CMKLR2: variants seen among roughly 807,000 people sequenced by gnomAD.
The protein encoded by CMKLR2 is chemerin chemokine-like receptor 2.
CMKLR2 carries 18 observed loss-of-function variants against 23.0 expected under a neutral mutation model. That is an observed-to-expected ratio of 0.78 (90% CI 0.54 to 1.16). CMKLR2 has a LOEUF of 1.16. Ranked by LOEUF, CMKLR2 falls within the 50% of genes most tolerant of loss-of-function variation. CMKLR2 has a pLI of 0.00. For synonymous variants in CMKLR2, 158 were observed against 158.9 expected (o/e 0.99, Z 0.05); for missense variants, 401 against 412.7 (o/e 0.97, Z 0.25).
At position 206,209,647 on chromosome 2, in the gene CMKLR2, C is replaced by CT. The variant is rs71034424; in HGVS notation, c.-29+3659dup. Among the ~76,000 whole-genome samples, 1,192 of 134,752 alleles carry CT rather than the reference C, an allele frequency of 8.8e-3. 23 individuals are homozygous for CT. Among genetic ancestry groups the CT allele is most frequent in the African/African-American group, 0.031 (1,113 of 36,146 alleles). The allele number at this position is 134,752 out of a possible 152,430, so 88.4% of individuals were successfully genotyped here. ...TGCCGTGTTTGGTTTTCTTTTCTTT[C>CT]TTTTTTTTTTTTTTTTTTTGAGACG... On this transcript the variant is annotated intron_variant, in intron 1 of 1. Coordinates refer to ENST00000621141, the MANE Select transcript of CMKLR2 (RefSeq NM_001389445.1).
At chr2:206,191,590 C>T (rs1438518712) in intron 1 of CMKLR2, among the ~76,000 whole-genome samples, 1 of 151,950 alleles carries the variant, frequency 6.6e-6, no homozygotes, top group African/African-American at 2.4e-5. Context: ...CCCAAAATGC[C>T]ATGTTTATCA....
chr2:206,201,671 A>G (rs1689101897), intron 1 of CMKLR2, among the ~76,000 whole-genome samples: 1 of 152,126 alleles, frequency 6.6e-6, no homozygotes. Flanking sequence ...AAAAAAAAGT[A>G]ACTTTGCCCT....
chr2:206,176,570 G>C lies in CMKLR2; in HGVS notation c.678C>G (p.Tyr226Ter). The C allele has an allele frequency of 6.2e-7, 1 of 1,614,072 alleles. No homozygotes were observed. Among genetic ancestry groups the C allele is most frequent in the Non-Finnish European group, 8.5e-7 (1 of 1,180,006 alleles). ...TCTTCACCTTGAAGATGAGACACAA[G>C]TAGCAAATACTCATTGTTAGCAAAG... The part of the protein sequence containing the change: ...LFPLLTMSIC[Y>*]LCLIFKVKKR... The change falls in exon 2 of 2, where the codon TAC becomes TAG. Residue 226 changes from tyrosine to a stop codon, truncating the protein, a stop_gained. Transcript: ENST00000621141. LOFTEE classifies it high-confidence loss of function.
chr2:206,181,592 G>T (rs13391120), intron 1 of CMKLR2, among the ~76,000 whole-genome samples: 3 of 152,224 alleles, frequency 2.0e-5, no homozygotes, highest in East Asian at 1.9e-4. Flanking sequence ...CACATATTTT[G>T]TATGTTTTAT....
chr2:206,181,515 C>G (rs912334553), intron 1 of CMKLR2, among the ~76,000 whole-genome samples: 1 of 152,100 alleles, frequency 6.6e-6, no homozygotes, highest in Non-Finnish European at 1.5e-5. Context: ...TTGACTCCCC[C>G]AAAACTTAAC....
upstream of CMKLR2, among the ~76,000 whole-genome samples, chr2:206,216,243 C>A (rs1214515182): frequency 6.6e-6 from 1 of 152,104 alleles, no homozygotes; most frequent in Non-Finnish European, 1.5e-5. Flanking sequence ...CACCTGAGGT[C>A]TGGAGTTCAA....
chr2:206,208,643 CTT>C (rs111399492), intron 1 of CMKLR2, among the ~76,000 whole-genome samples: 1 of 145,688 alleles, frequency 6.9e-6, no homozygotes, highest in African/African-American at 2.5e-5. Flanking sequence ...ATATATGTAA[CTT>C]TTTTTTTTTT....
In CMKLR2 at chr2:206,177,147, A is replaced by G; in HGVS notation, c.101T>C (p.Leu34Pro). 3 of 1,614,064 alleles carry G rather than the reference A, an allele frequency of 1.9e-6. No homozygotes were observed. The highest frequency in any genetic ancestry group is 2.5e-6 in the Non-Finnish European group (3 of 1,179,876). ...CAGGGAGACCCAGTGAACAACTCCCAGCTGGACTTTCTCCTCCAAATCAGA... is the reference window on the plus strand; with the variant it reads ...CAGGGAGACCCAGTGAACAACTCCCGGCTGGACTTTCTCCTCCAAATCAGA... The part of the protein sequence containing the change: ...LESDLEEKVQ[L>P]GVVHWVSLVL... The change falls in exon 2 of 2, where the codon CTG becomes CCG. Residue 34 changes from leucine to proline, a missense_variant. Physicochemically the swap from Leu to Pro is moderately conservative, Grantham distance 98 (BLOSUM62 -3). Coordinates refer to ENST00000621141, the MANE Select transcript of CMKLR2 (RefSeq NM_001389445.1).
intron 1 of CMKLR2, among the ~76,000 whole-genome samples, chr2:206,196,487 G>A (rs1388453474): frequency 1.3e-5 from 2 of 152,154 alleles, no homozygotes; most frequent in African/African-American, 4.8e-5. Flanking sequence ...TGCACCTGTG[G>A]CTGAATGAAA....
At position 206,176,104 on chromosome 2, in the gene CMKLR2, A is replaced by G; in HGVS notation, c.*76T>C. ...AGTGGAGTCGGCTCTCTATCTTGGA[A>G]ACAATTTTAATCTGAAAGCATCAGT... On this transcript the variant is annotated 3_prime_UTR_variant, in exon 2 of 2. Transcript: ENST00000621141. 1 of 1,094,990 alleles carries G rather than the reference A, an allele frequency of 9.1e-7. No homozygotes were observed. Among genetic ancestry groups the G allele is most frequent in the Non-Finnish European group, 1.3e-6 (1 of 765,504 alleles). The allele number at this position is 1,094,990 out of a possible 1,614,324, so 67.8% of individuals were successfully genotyped here.
intron 1 of CMKLR2, among the ~76,000 whole-genome samples, chr2:206,186,078 A>AT (rs556908721): frequency 4.6e-4 from 67 of 144,152 alleles, no homozygotes; most frequent in Non-Finnish European, 8.8e-4. Context: ...CTTTTGGGCT[A>AT]TTTTTTTCTC....
intron 1 of CMKLR2, among the ~76,000 whole-genome samples, chr2:206,211,381 G>C (rs1689554763): frequency 6.6e-6 from 1 of 152,168 alleles, no homozygotes; most frequent in African/African-American, 2.4e-5. Context: ...CTAGAGTGCA[G>C]TGGCACGATC....
intron 1 of CMKLR2, among the ~76,000 whole-genome samples, chr2:206,211,261 C>A (rs1180261811): frequency 1.3e-5 from 2 of 152,192 alleles, no homozygotes; most frequent in East Asian, 3.8e-4. Flanking sequence ...TTGGTCTCCA[C>A]TGTATCCAGT....
At chr2:206,201,296 C>G (rs1301575884) in intron 1 of CMKLR2, among the ~76,000 whole-genome samples, 4 of 152,186 alleles carry the variant, frequency 2.6e-5, no homozygotes, top group Non-Finnish European at 5.9e-5. Flanking sequence ...CCATGCAAAG[C>G]AAATAATCTT....
At chr2:206,209,966 CTTT>C (rs1174073666) in intron 1 of CMKLR2, among the ~76,000 whole-genome samples, 2 of 133,314 alleles carry the variant, frequency 1.5e-5, no homozygotes, top group Non-Finnish European at 3.2e-5. Flanking sequence ...TCTTTTCTTT[CTTT>C]TTTTTTTTTT....
intron 1 of CMKLR2, among the ~76,000 whole-genome samples, chr2:206,193,572 C>A (rs1397773241): frequency 6.6e-6 from 1 of 152,098 alleles, no homozygotes; most frequent in Non-Finnish European, 1.5e-5. Flanking sequence ...ATATGTTCAT[C>A]CATATAAAGA....
At chr2:206,188,620 C>T (rs961686101) in intron 1 of CMKLR2, among the ~76,000 whole-genome samples, 1 of 152,240 alleles carries the variant, frequency 6.6e-6, no homozygotes, top group South Asian at 2.1e-4. Context: ...GTTCAGAGAA[C>T]CTCTATGAAG....
At chr2:206,185,469 AG>A (rs1488257944) in intron 1 of CMKLR2, among the ~76,000 whole-genome samples, 1 of 152,248 alleles carries the variant, frequency 6.6e-6, no homozygotes, top group African/African-American at 2.4e-5. Context: ...TGTCTAGGGC[AG>A]GATGAGAAAA....
At position 206,192,270 on chromosome 2, in the gene CMKLR2, G is replaced by A. The variant is rs577036149; in HGVS notation, c.-28-14995C>T. Among the ~76,000 whole-genome samples the A allele has an allele frequency of 9.8e-4, 147 of 150,012 alleles. 1 individual carries two copies. In the South Asian group the frequency reaches 0.014, roughly 15 times the overall value. ...ACTAGGATTGCAAAAATGAGCTACCGGGACTGGCGTTCTCTTTAAAAAAAA... is the reference window on the plus strand; with the variant it reads ...ACTAGGATTGCAAAAATGAGCTACCAGGACTGGCGTTCTCTTTAAAAAAAA... On this transcript the variant is annotated intron_variant, in intron 1 of 1. Coordinates refer to ENST00000621141, the MANE Select transcript of CMKLR2 (RefSeq NM_001389445.1).
Sources: gnomAD v4.1 joint callset for allele counts (sites outside exome capture counted in the v4.1 genomes callset) on GRCh38, gnomAD v4.1.1 for gene constraint, MANE v1.5 for transcripts, NCBI Gene and HGNC (gene_info 2026-07-23, HGNC 2026-07-21) for gene names.